PDS5A: variants seen among roughly 807,000 people sequenced by gnomAD.
The protein encoded by PDS5A is PDS5 cohesin associated factor A.
A neutral mutation model predicts 167.1 loss-of-function variants in PDS5A; 42 were observed. The ratio of observed to expected loss-of-function variants is 0.25; its 90% CI spans 0.20 to 0.33. PDS5A has a LOEUF of 0.33. PDS5A is among the 10% of genes least tolerant of loss of function. The pLI is 1.00. For synonymous variants in PDS5A, 553 were observed against 554.6 expected (o/e 1.00, Z 0.04); for missense variants, 1,033 against 1,605.9 (o/e 0.64, Z 6.10).
chr4:39,828,952 C>A (rs1464055750), intron 32 of PDS5A, among the ~76,000 whole-genome samples: 2 of 152,106 alleles, frequency 1.3e-5, no homozygotes, highest in Admixed American at 6.6e-5. Context: ...GAATGCAGGG[C>A]CACAGAGAAG....
Position 39,877,171 on chromosome 4 carries a change from G to A in PDS5A, c.1993-18C>T. 1.3e-6 allele frequency: 2 copies of A among 1,483,062 alleles called. No homozygotes were observed. The highest frequency in any genetic ancestry group is 1.4e-5 in the African/African-American group (1 of 70,112). The allele number at this position is 1,483,062 out of a possible 1,614,324, so 91.9% of individuals were successfully genotyped here. A position where few individuals can be genotyped will look rare whatever the true frequency, so the allele number is the denominator to read the frequency against. On this transcript the variant is annotated intron_variant, in intron 18 of 32. Transcript: ENST00000303538. ...GACAGAACCTGAAAAAACAGATACA[G>A]CTTTAGAAGTACAGACAATGGTTTT...
intron 7 of PDS5A, among the ~76,000 whole-genome samples, chr4:39,918,768 G>T (rs756632226): frequency 5.9e-5 from 9 of 152,056 alleles, no homozygotes; most frequent in Admixed American, 5.2e-4. Flanking sequence ...CAGGAGAATC[G>T]CTTGAGCCTG....
chr4:39,839,754 TGGGG>T (rs3070809), intron 31 of PDS5A, among the ~76,000 whole-genome samples: 7 of 107,704 alleles, frequency 6.5e-5, no homozygotes, highest in Admixed American at 2.7e-4. Context: ...AATATGATTC[TGGGG>T]GGGGGGGGCA....
intron 2 of PDS5A, among the ~76,000 whole-genome samples, chr4:39,935,378 G>A (rs889726026): frequency 4.6e-5 from 7 of 152,218 alleles, no homozygotes; most frequent in African/African-American, 1.2e-4. Flanking sequence ...GATTATAGGC[G>A]TGAGCCACCG....
intron 16 of PDS5A, among the ~76,000 whole-genome samples, chr4:39,895,719 TTTGA>T (rs1391775203): frequency 2.0e-5 from 3 of 152,136 alleles, no homozygotes; most frequent in African/African-American, 4.8e-5. Context: ...TTTGTTTTTG[TTTGA>T]TTGTTTGTTT....
At chr4:39,966,992 C>T (rs1204431693) in intron 2 of PDS5A, among the ~76,000 whole-genome samples, 1 of 149,244 alleles carries the variant, frequency 6.7e-6, no homozygotes, top group Non-Finnish European at 1.5e-5. Flanking sequence ...GTGAAATTCC[C>T]TTTCAAAAAA....
chr4:39,929,039 G>T (rs914328114), intron 2 of PDS5A, among the ~76,000 whole-genome samples: 1 of 152,094 alleles, frequency 6.6e-6, no homozygotes, highest in African/African-American at 2.4e-5. Flanking sequence ...CTTTATGCTG[G>T]CCTGTTTTCT....
At chr4:39,966,250 A>G (rs925941497) in intron 2 of PDS5A, among the ~76,000 whole-genome samples, 1 of 152,230 alleles carries the variant, frequency 6.6e-6, no homozygotes, top group Non-Finnish European at 1.5e-5. Flanking sequence ...CTGTGTAGCA[A>G]TGAGGGATAA....
chr4:39,950,364 T>C (rs1728232964), intron 2 of PDS5A, among the ~76,000 whole-genome samples: 2 of 151,562 alleles, frequency 1.3e-5, no homozygotes, highest in South Asian at 2.1e-4. Context: ...GAGGTGGAGA[T>C]TGCAGTGAGC....
At chr4:39,896,604 A>G (rs570026666) in intron 16 of PDS5A, among the ~76,000 whole-genome samples, 3 of 151,864 alleles carry the variant, frequency 2.0e-5, no homozygotes, top group South Asian at 4.2e-4. Context: ...CTGTCTCTAC[A>G]AAAAATAAAA....
chr4:39,826,811 C>T (rs953214182), intron 32 of PDS5A, among the ~76,000 whole-genome samples: 5 of 151,930 alleles, frequency 3.3e-5, no homozygotes, highest in Non-Finnish European at 4.4e-5. Context: ...TCAGCCTGAT[C>T]AGTAGTAAGA....
intron 5 of PDS5A, among the ~76,000 whole-genome samples, chr4:39,923,847 AC>A (rs1273296841): frequency 6.6e-6 from 1 of 151,862 alleles, no homozygotes; most frequent in African/African-American, 2.4e-5. Context: ...CTATTTAAAC[AC>A]CCCCAAATGC....
intron 16 of PDS5A, 34 bp downstream of exon 16, chr4:39,898,355 G>A (rs574352935): frequency 6.6e-7 from 1 of 1,506,976 alleles, no homozygotes; most frequent in Non-Finnish European, 8.9e-7. Flanking sequence ...TGTAAGTAAA[G>A]CTAGAGAAAA....
intron 6 of PDS5A, among the ~76,000 whole-genome samples, chr4:39,921,453 A>C (rs1054105014): frequency 7.2e-5 from 11 of 152,014 alleles, no homozygotes; most frequent in Admixed American, 5.9e-4. Flanking sequence ...AAATGCTCTC[A>C]AGCCAGATGT....
intron 5 of PDS5A, among the ~76,000 whole-genome samples, chr4:39,924,683 A>G (rs559180573): frequency 6.6e-6 from 1 of 152,262 alleles, no homozygotes; most frequent in Non-Finnish European, 1.5e-5. Context: ...AATAAATAAC[A>G]TATATTATCA....
chr4:39,844,905 T>C (rs985071275), intron 29 of PDS5A, 104 bp from the exon 30 acceptor site: 2 of 1,184,384 alleles, frequency 1.7e-6, no homozygotes, highest in Non-Finnish European at 2.3e-6. Flanking sequence ...AAGTGCTAAT[T>C]AGTTAAATTT....
At chr4:39,845,923 A>T in intron 28 of PDS5A, 43 bp from the exon 29 acceptor site, 1 of 1,279,908 alleles carries the variant, frequency 7.8e-7, no homozygotes, top group East Asian at 3.1e-5. Flanking sequence ...AACACCAATC[A>T]AAGGAACATG....
At chr4:39,865,364 A>T (rs1044485265) in intron 23 of PDS5A, among the ~76,000 whole-genome samples, 1 of 152,118 alleles carries the variant, frequency 6.6e-6, no homozygotes, top group Non-Finnish European at 1.5e-5. Flanking sequence ...ACTCAGCTCT[A>T]AACAGTGTTA....
intron 6 of PDS5A, among the ~76,000 whole-genome samples, chr4:39,921,448 C>T (rs1724952915): frequency 6.6e-6 from 1 of 151,944 alleles, no homozygotes; most frequent in Non-Finnish European, 1.5e-5. Context: ...AATAAAAATG[C>T]TCTCAAGCCA....
Sources: gnomAD v4.1 joint callset for allele counts (sites outside exome capture counted in the v4.1 genomes callset) on GRCh38, gnomAD v4.1.1 for gene constraint, MANE v1.5 for transcripts, NCBI Gene and HGNC (gene_info 2026-07-23, HGNC 2026-07-21) for gene names.